The following SNRPB variants were observed in gnomAD, a reference collection of about 807,000 sequenced individuals.
The protein encoded by SNRPB is small nuclear ribonucleoprotein polypeptides B and B1.
SNRPB carries 5 observed loss-of-function variants against 26.6 expected under a neutral mutation model. That is an observed-to-expected ratio of 0.19 (90% CI 0.10 to 0.39). The LOEUF (loss-of-function observed/expected upper bound fraction) is 0.39. Among genes scored for constraint, SNRPB ranks in the 10% least tolerant of loss-of-function variants. The probability of loss-of-function intolerance (pLI) is 1.00; values close to 1 mark genes in which losing one functional copy is unlikely to be tolerated. For synonymous variants in SNRPB, 122 were observed against 105.8 expected, an observed-to-expected ratio of 1.15 and a Z score of -0.94; for missense variants, 211 against 311.9, an observed-to-expected ratio of 0.68 and a Z score of 2.44.
chr20:2,465,923 G>A, intron 2 of SNRPB, 104 bp from the exon 3 acceptor site: 1 of 795,206 alleles, frequency 1.3e-6, no homozygotes, highest in Non-Finnish European at 2.1e-6. Flanking sequence ...CTAACAAACA[G>A]TACACAAACT....
rs549990354 is a variant in SNRPB at position 2,466,777 on chromosome 20, C to T, written c.155+830G>A. Among the ~76,000 whole-genome samples, 5 of 152,244 alleles carry T rather than the reference C, an allele frequency of 3.3e-5. No individual in the cohort carries two copies. The South Asian group carries it at 1.0e-3, about 32-fold the overall frequency. On this transcript the variant is annotated intron_variant, in intron 2 of 6. Transcript: ENST00000381342. ...ATCAGGAGGGAACTTTGGAGTAGCT[C>T]CACGCTCATCTGTTGGCCCCTCTCT...
Position 2,467,826 on chromosome 20 carries a change from A to C in SNRPB, c.4-68T>G, listed in dbSNP as rs8114620. 12,637 of 1,479,936 alleles carry C rather than the reference A, an allele frequency of 8.5e-3. 731 individuals carry two copies. The African/African-American group carries it at 0.14, about 16-fold the overall frequency. 91.7% of individuals were successfully genotyped at this position (1,479,936 alleles called of 1,614,324 possible). ...ACCCAAGCACCTCTGGCCCTCCCCA[A>C]AACTTCCCATGGCGTTCTTGTCCAT... On this transcript the variant is annotated intron_variant, in intron 1 of 6. Coordinates refer to ENST00000381342, the MANE Select transcript of SNRPB (RefSeq NM_003091.4).
chr20:2,463,033 A>T lies in SNRPB; in HGVS notation c.559+56T>A. 1.4e-6 allele frequency: 2 copies of T among 1,423,594 alleles called. No homozygotes were observed. The highest frequency in any genetic ancestry group is 1.9e-6 in the Non-Finnish European group (2 of 1,049,714). 88.2% of individuals were successfully genotyped at this position (1,423,594 alleles called of 1,614,324 possible). On this transcript the variant is annotated intron_variant, in intron 5 of 6. Coordinates refer to ENST00000381342, the MANE Select transcript of SNRPB (RefSeq NM_003091.4). The surrounding 1 kb of genome is among the most constrained non-coding windows in gnomAD (Gnocchi z 5.0). ...TCAGTCAAGGTTATATCTCATCATT[A>T]ATCCAGCTAAGGCATCTTCTATCAA...
At chr20:2,464,896 C>A (rs1342444655) in intron 3 of SNRPB, among the ~76,000 whole-genome samples, 7 of 148,370 alleles carry the variant, frequency 4.7e-5, no homozygotes, top group African/African-American at 1.3e-4. Context: ...AAAAAAAAAA[C>A]CCTTCAAATG....
chr20:2,467,281 G>A, intron 2 of SNRPB: 1 of 492,258 alleles, frequency 2.0e-6, no homozygotes, highest in Non-Finnish European at 4.0e-6. Flanking sequence ...AATAGGCAAT[G>A]AGGCCAGAAA....
intron 2 of SNRPB, 173 bp downstream of exon 2, chr20:2,467,434 G>C: frequency 1.5e-6 from 1 of 659,920 alleles, no homozygotes; most frequent in Admixed American, 2.6e-5. Context: ...AGCAAGGTTT[G>C]CTGGACTCAA....
At chr20:2,470,589 T>G (rs2085107499) in intron 1 of SNRPB, 99 bp downstream of exon 1, 1 of 1,501,162 alleles carries the variant, frequency 6.7e-7, no homozygotes, top group African/African-American at 1.4e-5. Flanking sequence ...TTCACCGCCC[T>G]AAGTGGCTCC....
Position 2,470,754 on chromosome 20 carries a change from C to G in SNRPB, c.-64G>C, listed in dbSNP as rs1410160673. On this transcript the variant is annotated 5_prime_UTR_variant, in exon 1 of 7. Coordinates refer to ENST00000381342, the MANE Select transcript of SNRPB (RefSeq NM_003091.4). ...CCTCCTCAGAGGCCTAGCCTCTCTC[C>G]CACAGCCGATTTCCCGCCGCCGCTA... 2 of 1,599,108 alleles carry G rather than the reference C, an allele frequency of 1.3e-6. No individual in the cohort carries two copies. Among genetic ancestry groups the G allele is most frequent in the African/African-American group, 1.3e-5 (1 of 74,706 alleles).
chr20:2,470,619 G>C, intron 1 of SNRPB, 69 bp downstream of exon 1: 4 of 1,600,324 alleles, frequency 2.5e-6, no homozygotes, highest in Non-Finnish European at 3.4e-6. Flanking sequence ...CTTCCTCCCC[G>C]ATCAGTCGCG....
chr20:2,468,710 T>A (rs554382016), intron 1 of SNRPB, among the ~76,000 whole-genome samples: 169 of 152,206 alleles, frequency 1.1e-3, no homozygotes, highest in African/African-American at 3.7e-3. Context: ...CAGAACACCT[T>A]AGGTCAGGAG....
chr20:2,462,487 A>G, intron 6 of SNRPB, 149 bp downstream of exon 6: 1 of 804,416 alleles, frequency 1.2e-6, no homozygotes, highest in Non-Finnish European at 2.2e-6. Context: ...CCAATTTAAG[A>G]AATGTTCCCT....
chr20:2,464,161 T>C (rs2085055991), intron 3 of SNRPB, among the ~76,000 whole-genome samples: 2 of 152,210 alleles, frequency 1.3e-5, no homozygotes, highest in Admixed American at 1.3e-4. Context: ...CTGTGAAAGT[T>C]AAACCAAGAG....
intron 1 of SNRPB, among the ~76,000 whole-genome samples, chr20:2,468,526 A>C (rs1027992786): frequency 1.8e-4 from 28 of 152,208 alleles, no homozygotes; most frequent in African/African-American, 6.8e-4. Flanking sequence ...CATCAGTCTG[A>C]CTGCTATACC....
chr20:2,468,956 C>A (rs1397824186), intron 1 of SNRPB, among the ~76,000 whole-genome samples: 10 of 152,138 alleles, frequency 6.6e-5, no homozygotes, highest in African/African-American at 1.9e-4. Flanking sequence ...TGACTCCACA[C>A]AAAGATACTG....
intron 1 of SNRPB, among the ~76,000 whole-genome samples, chr20:2,470,281 ACT>A (rs2085104348): frequency 8.1e-6 from 1 of 123,912 alleles, no homozygotes; most frequent in Non-Finnish European, 1.7e-5. Context: ...ACTTCCGCCA[ACT>A]CTTTCTCAGA....
intron 3 of SNRPB, among the ~76,000 whole-genome samples, chr20:2,465,016 C>T (rs2085062814): frequency 6.6e-6 from 1 of 152,288 alleles, no homozygotes; most frequent in South Asian, 2.1e-4. Context: ...ATGTCAGTTT[C>T]ACCACTTAGT....
chr20:2,463,874 G>A lies in SNRPB; in HGVS notation c.293C>T (p.Ala98Val). Reference protein sequence around the residue: ...KDTGIARVPLAGAAGGPGIGR... With the variant: ...KDTGIARVPLVGAAGGPGIGR... ...GATCCCTGGGCCCCCGGCAGCTCCA[G>A]CAAGTGGAACTCGAGCAATACCAGT... Residue 98 changes from alanine (A) to valine (V), a missense_variant, in exon 4 of 7, where the codon GCT (alanine) becomes GTT (valine). Ala to Val is a moderately conservative substitution (Grantham distance 64). Coordinates refer to ENST00000381342, the MANE Select transcript of SNRPB (RefSeq NM_003091.4). This position sits in a 1 kb window ranked among gnomAD's most constrained non-coding sequence, Gnocchi z 5.0. The A allele has an allele frequency of 1.2e-6, 2 of 1,613,526 alleles. No homozygotes were observed. The highest frequency in any genetic ancestry group is 1.7e-6 in the Non-Finnish European group (2 of 1,179,732).
In SNRPB at chr20:2,465,768, C is replaced by T. The variant is rs780029577; in HGVS notation, c.207G>A (p.Leu69=). 2 of 1,613,804 alleles carry T rather than the reference C, an allele frequency of 1.2e-6. No individual in the cohort carries two copies. Among genetic ancestry groups the T allele is most frequent in the East Asian group, 2.2e-5 (1 of 44,796 alleles). The change falls in exon 3 of 7, where the codon CTG becomes CTA. Residue 69 remains leucine (L), a synonymous_variant. Transcript: ENST00000381342. ...CCAGATTCTCCCCTCGCAGCAGCACCAGACCGAGGACTCGCTTCTCTTCCC... is the reference window on the plus strand; with the variant it reads ...CCAGATTCTCCCCTCGCAGCAGCACTAGACCGAGGACTCGCTTCTCTTCCC... ...AEREEKRVLG[L]VLLRGENLVS...
rs755182543 is a variant in SNRPB at position 2,463,756 on chromosome 20, T to G, written c.411A>C (p.Pro137=). The change falls in exon 4 of 7, where the codon CCA becomes CCC. Residue 137 remains proline (P), a synonymous_variant. Coordinates refer to ENST00000381342, the MANE Select transcript of SNRPB (RefSeq NM_003091.4). The surrounding 1 kb of genome is among the most constrained non-coding windows in gnomAD (Gnocchi z 5.0). ...LAGPVRGVGG[P]SQQVMTPQGR... is the part of the protein sequence containing the mutation. ...TTCCCCAACTCCTCACCTGTTGGGA[T>G]GGCCCGCCAACCCCACGGACTGGCC... 1 of 1,586,290 alleles carries G rather than the reference T, an allele frequency of 6.3e-7. No individual in the cohort carries two copies. The highest frequency in any genetic ancestry group is 8.5e-7 in the Non-Finnish European group (1 of 1,170,252).
Sources: gnomAD v4.1 joint callset for allele counts (sites outside exome capture counted in the v4.1 genomes callset) on GRCh38, gnomAD v4.1.1 for gene constraint, Gnocchi (gnomAD v3.1) non-coding constraint, MANE v1.5 for transcripts, NCBI Gene and HGNC (gene_info 2026-07-23, HGNC 2026-07-21) for gene names.